The following TSHZ1 variants were observed in gnomAD, a reference collection of about 807,000 sequenced individuals.
TSHZ1 encodes teashirt homolog 1.
TSHZ1 carries 12 observed loss-of-function variants against 67.1 expected under a neutral mutation model. The ratio of observed to expected loss-of-function variants is 0.18; its 90% CI spans 0.11 to 0.29. TSHZ1 has a LOEUF of 0.29. TSHZ1 is among the 10% of genes least tolerant of loss of function. The probability of loss-of-function intolerance (pLI) is 1.00; values close to 1 mark genes in which losing one functional copy is unlikely to be tolerated. For missense variants in TSHZ1, 1,305 were observed against 1,413.9 expected, an observed-to-expected ratio of 0.92 and a Z score of 1.23; for synonymous variants, 632 against 622.4, an observed-to-expected ratio of 1.02 and a Z score of -0.23.
intron 1 of TSHZ1, among the ~76,000 whole-genome samples, chr18:75,223,426 A>C (rs1292843708): frequency 6.6e-6 from 1 of 151,996 alleles, no homozygotes; most frequent in African/African-American, 2.4e-5. Context: ...CTCCTCATTG[A>C]TTTGCACCTA....
rs1357241452 is a variant in TSHZ1, at chr18:75,288,327, G to A, written c.2920G>A (p.Asp974Asn). ...DTGHPVFFCN[D>N]CASQFRTAST... ...AGGGCATCCTGTTTTCTTTTGCAACGATTGTGCCTCTCAGTTCAGAACTGC... is the reference window on the plus strand; with the variant it reads ...AGGGCATCCTGTTTTCTTTTGCAACAATTGTGCCTCTCAGTTCAGAACTGC... The change falls in exon 2 of 2, where the codon GAT (aspartate) becomes AAT (asparagine). Residue 974 changes from aspartate to asparagine, a missense_variant. Asp to Asn is a conservative substitution (Grantham distance 23). Around this residue, in one of 3 missense-constraint regions of TSHZ1, gnomAD observed 909 missense variants for 961.8 expected, o/e 0.95. Transcript: ENST00000580243. The surrounding 1 kb of genome is among the most constrained non-coding windows in gnomAD (Gnocchi z 4.9). 10 of 1,614,160 alleles carry A rather than the reference G, an allele frequency of 6.2e-6. No homozygotes were observed. The highest frequency in any genetic ancestry group is 1.7e-5 in the Admixed American group (1 of 60,028).
intron 1 of TSHZ1, among the ~76,000 whole-genome samples, chr18:75,239,276 A>T (rs997643105): frequency 2.0e-4 from 30 of 152,230 alleles, no homozygotes; most frequent in African/African-American, 7.2e-4. Flanking sequence ...TGAGTAATTG[A>T]TGCTTCTGTA....
chr18:75,278,637 G>A (rs542293681), intron 1 of TSHZ1, among the ~76,000 whole-genome samples: 2 of 152,170 alleles, frequency 1.3e-5, no homozygotes, highest in South Asian at 2.1e-4. Flanking sequence ...GGGGGTGGAG[G>A]GAGGCAGAGG....
intron 1 of TSHZ1, among the ~76,000 whole-genome samples, chr18:75,236,971 C>T (rs559751262): frequency 7.9e-5 from 12 of 152,190 alleles, no homozygotes; most frequent in Non-Finnish European, 1.3e-4. Flanking sequence ...TTTTTGTCAT[C>T]TGTTTCCCTA....
Position 75,288,069 on chromosome 18 carries a change from C to A in TSHZ1, c.2662C>A (p.Arg888=). ...ELSPVHKRKG[R]QSNWNPQHLL... is the part of the protein sequence containing the mutation. Reference sequence around the variant, plus strand: ...GTCACCGGTCCACAAGAGGAAGGGCCGGCAGTCCAACTGGAACCCGCAGCA... The same window carrying A: ...GTCACCGGTCCACAAGAGGAAGGGCAGGCAGTCCAACTGGAACCCGCAGCA... The change falls in exon 2 of 2, where the codon CGG becomes AGG. Residue 888 remains arginine, a synonymous_variant. Coordinates refer to ENST00000580243, the MANE Select transcript of TSHZ1 (RefSeq NM_001308210.2). The surrounding 1 kb of genome is among the most constrained non-coding windows in gnomAD (Gnocchi z 4.9). The A allele has an allele frequency of 6.2e-7, 1 of 1,613,614 alleles. No homozygotes were observed. Among genetic ancestry groups the A allele is most frequent in the Non-Finnish European group, 8.5e-7 (1 of 1,180,028 alleles).
At chr18:75,250,405 C>T (rs2023284952) in intron 1 of TSHZ1, among the ~76,000 whole-genome samples, 1 of 152,222 alleles carries the variant, frequency 6.6e-6, no homozygotes, top group African/African-American at 2.4e-5. Context: ...TGGGCTCTCC[C>T]TTCCGTCCCG....
chr18:75,275,568 T>C (rs988635815), intron 1 of TSHZ1, among the ~76,000 whole-genome samples: 4 of 152,218 alleles, frequency 2.6e-5, no homozygotes, highest in African/African-American at 4.8e-5. Flanking sequence ...ATGTTTCTCA[T>C]TGGGGCGAGC....
intron 1 of TSHZ1, among the ~76,000 whole-genome samples, chr18:75,267,028 C>T (rs1051571998): frequency 1.3e-5 from 2 of 152,058 alleles, no homozygotes; most frequent in Non-Finnish European, 2.9e-5. Flanking sequence ...TCTGACATAG[C>T]CAAAAAGTTT....
chr18:75,244,308 C>T (rs1287209874), intron 1 of TSHZ1, among the ~76,000 whole-genome samples: 2 of 152,190 alleles, frequency 1.3e-5, no homozygotes, highest in East Asian at 1.9e-4. Flanking sequence ...TTATTCACAC[C>T]GTAAAGTGGT....
intron 1 of TSHZ1, among the ~76,000 whole-genome samples, chr18:75,254,588 A>G (rs1350662749): frequency 1.3e-5 from 2 of 152,222 alleles, no homozygotes; most frequent in African/African-American, 4.8e-5. Flanking sequence ...AGCAAATTAA[A>G]AGTAGTAAAT....
Position 75,249,572 on chromosome 18 carries a change from T to C in TSHZ1, c.41-35876T>C, listed in dbSNP as rs1046701608. ...CTCGCCATCTCACCCCTATAGTAGG[T>C]GGGGGATGCATGACCTCCTCCCTAC... On this transcript the variant is annotated intron_variant, in intron 1 of 1. Transcript: ENST00000580243. Among the ~76,000 whole-genome samples, 10 of 151,358 alleles carry C rather than the reference T, an allele frequency of 6.6e-5. 1 individual carries two copies. Among genetic ancestry groups the C allele is most frequent in the African/African-American group, 1.9e-4 (8 of 41,210 alleles).
At chr18:75,264,907 A>G (rs2023472438) in intron 1 of TSHZ1, among the ~76,000 whole-genome samples, 5 of 152,264 alleles carry the variant, frequency 3.3e-5, no homozygotes, top group Admixed American at 6.5e-5. Flanking sequence ...TGTACTATCC[A>G]CAGCTAAAAT....
At chr18:75,254,288 C>T (rs968951762) in intron 1 of TSHZ1, among the ~76,000 whole-genome samples, 1 of 152,188 alleles carries the variant, frequency 6.6e-6, no homozygotes, top group South Asian at 2.1e-4. Flanking sequence ...TATGGGACTA[C>T]AGGATGCTTT....
intron 1 of TSHZ1, among the ~76,000 whole-genome samples, chr18:75,226,051 A>C (rs2022921083): frequency 6.6e-6 from 1 of 152,250 alleles, no homozygotes; most frequent in Non-Finnish European, 1.5e-5. Context: ...CAAACGATGC[A>C]ACTCAGTAGG....
intron 1 of TSHZ1, among the ~76,000 whole-genome samples, chr18:75,221,862 C>T (rs1386654721): frequency 6.6e-6 from 1 of 152,178 alleles, no homozygotes; most frequent in African/African-American, 2.4e-5. Context: ...CTCAGCATTA[C>T]TGTGCTGTGC....
chr18:75,212,931 G>A (rs1462689962), intron 1 of TSHZ1, among the ~76,000 whole-genome samples: 1 of 152,170 alleles, frequency 6.6e-6, no homozygotes, highest in Non-Finnish European at 1.5e-5. Flanking sequence ...CAACCCATAT[G>A]CCAGTGAGTT....
chr18:75,216,489 A>G (rs892308906), intron 1 of TSHZ1, among the ~76,000 whole-genome samples: 1 of 152,204 alleles, frequency 6.6e-6, no homozygotes, highest in Non-Finnish European at 1.5e-5. Context: ...GGAGGGGAAT[A>G]CATTCCAGAA....
intron 1 of TSHZ1, among the ~76,000 whole-genome samples, chr18:75,279,305 A>T (rs777184867): frequency 6.6e-6 from 1 of 152,356 alleles, no homozygotes; most frequent in South Asian, 2.1e-4. Context: ...GAGCTAAAAG[A>T]ACATAGTAGA....
In TSHZ1 at chr18:75,288,916, A is replaced by G. The variant is rs116192381; in HGVS notation, c.*275A>G. 1,244 of 328,328 alleles carry G rather than the reference A, an allele frequency of 3.8e-3. 9 individuals are homozygous for G. Among genetic ancestry groups the G allele is most frequent in the African/African-American group, 0.024 (1,109 of 46,672 alleles). The allele number at this position is 328,328 out of a possible 1,614,324, so 20.3% of individuals were successfully genotyped here. ...TAGGAAATAGTGGGGCACACTACTC[A>G]GAGACATTATTTAGCAGTAAAGAAA... On this transcript the variant is annotated 3_prime_UTR_variant, in exon 2 of 2. Transcript: ENST00000580243. This position sits in a 1 kb window ranked among gnomAD's most constrained non-coding sequence, Gnocchi z 4.9.
Sources: allele counts gnomAD v4.1 joint callset (sites outside exome capture counted in the v4.1 genomes callset), GRCh38; gene constraint gnomAD v4.1.1; regional missense constraint gnomAD v4.1.1; non-coding constraint Gnocchi (gnomAD v3.1); transcripts MANE v1.5; gene names NCBI Gene and HGNC (gene_info 2026-07-23, HGNC 2026-07-21).